Variants in TSNAX observed in about 807,000 individuals in gnomAD.
The protein encoded by TSNAX is translin associated factor X.
Under a neutral mutation model 33.0 loss-of-function variants are expected in TSNAX, and 12 were observed. The ratio of observed to expected loss-of-function variants is 0.36; its 90% CI spans 0.23 to 0.59. The LOEUF (loss-of-function observed/expected upper bound fraction) is 0.59, where lower values mean the gene tolerates loss of function less well. Among genes scored for constraint, TSNAX ranks in the 20% least tolerant of loss-of-function variants. The pLI, the probability that TSNAX is intolerant of heterozygous loss-of-function variation, is 0.74. For synonymous variants in TSNAX, 110 were observed against 117.2 expected, an observed-to-expected ratio of 0.94 and a Z score of 0.40; for missense variants, 267 against 341.3, an observed-to-expected ratio of 0.78 and a Z score of 1.72.
chr1:231,542,579 A>C lies in TSNAX; in HGVS notation c.335A>C (p.Asp112Ala). 6.2e-7 allele frequency: 1 copy of C among 1,614,036 alleles called. No homozygotes were observed. Among genetic ancestry groups the C allele is most frequent in the African/African-American group, 1.3e-5 (1 of 75,046 alleles). ...GTAGCCCAAGAGCTATCAGGGGAAG[A>C]TATGCATCAGTTCCATCGAGCCATT... is the stretch of plus-strand genomic sequence containing the variant. The part of the protein sequence containing the change: ...FQVAQELSGE[D>A]MHQFHRAITT... The change falls in exon 4 of 6, where the codon GAT (aspartate) becomes GCT (alanine). Residue 112 changes from aspartate (D) to alanine (A), a missense_variant. Transcript: ENST00000366639.
intron 5 of TSNAX, 27 bp from the exon 6 acceptor site, chr1:231,564,501 T>TGTG: frequency 7.8e-6 from 11 of 1,403,062 alleles, no homozygotes; most frequent in Admixed American, 2.2e-5. Flanking sequence ...GTGTGTGTGT[T>TGTG]TTTGTTTTGT....
chr1:231,558,098 G>A (rs995352651), intron 4 of TSNAX, among the ~76,000 whole-genome samples: 1 of 152,124 alleles, frequency 6.6e-6, no homozygotes, highest in Non-Finnish European at 1.5e-5. Context: ...ATGCTGGAGA[G>A]GGTGGGCATG....
At chr1:231,560,081 G>A (rs1286681056) in intron 4 of TSNAX, among the ~76,000 whole-genome samples, 2 of 151,072 alleles carry the variant, frequency 1.3e-5, no homozygotes, top group African/African-American at 2.4e-5. Flanking sequence ...CCGGGTTCAC[G>A]CCATTCTCCT....
chr1:231,547,936 G>T (rs1165995667), intron 4 of TSNAX, among the ~76,000 whole-genome samples: 1 of 150,456 alleles, frequency 6.6e-6, no homozygotes, highest in Non-Finnish European at 1.5e-5. Flanking sequence ...CGCCTCCCAG[G>T]TTCATGCCAT....
chr1:231,547,392 T>TTC (rs1558128610), intron 4 of TSNAX, among the ~76,000 whole-genome samples: 1 of 140,288 alleles, frequency 7.1e-6, no homozygotes, highest in African/African-American at 2.7e-5. Flanking sequence ...TTTTTTTCTT[T>TTC]TTTTTTTTTT....
intron 5 of TSNAX, among the ~76,000 whole-genome samples, chr1:231,561,914 A>T (rs1425683902): frequency 1.3e-5 from 2 of 152,242 alleles, no homozygotes; most frequent in Non-Finnish European, 2.9e-5. Flanking sequence ...ATTATAAAGT[A>T]GTTTTTATAT....
intron 4 of TSNAX, among the ~76,000 whole-genome samples, chr1:231,557,928 T>C (rs1182811500): frequency 1.3e-5 from 2 of 152,106 alleles, no homozygotes; most frequent in Non-Finnish European, 2.9e-5. Context: ...TACAGACTTA[T>C]TAACCATATA....
At chr1:231,559,475 C>T (rs1054204348) in intron 4 of TSNAX, among the ~76,000 whole-genome samples, 1 of 152,064 alleles carries the variant, frequency 6.6e-6, no homozygotes, top group African/African-American at 2.4e-5. Context: ...ACTACAGGCA[C>T]CCGCCACCAT....
intron 4 of TSNAX, among the ~76,000 whole-genome samples, chr1:231,551,734 A>G (rs1227678323): frequency 1.3e-5 from 2 of 151,404 alleles, no homozygotes; most frequent in African/African-American, 2.4e-5. Flanking sequence ...TTGGGAGGTC[A>G]TGGTGGGAGG....
At chr1:231,563,015 G>A (rs1380633151) in intron 5 of TSNAX, among the ~76,000 whole-genome samples, 1 of 152,158 alleles carries the variant, frequency 6.6e-6, no homozygotes, top group Non-Finnish European at 1.5e-5. Context: ...AATGGTCTCT[G>A]CAGAGTCCAA....
intron 3 of TSNAX, among the ~76,000 whole-genome samples, 184 bp downstream of exon 3, chr1:231,537,511 C>T (rs893985284): frequency 1.1e-4 from 17 of 151,988 alleles, no homozygotes; most frequent in East Asian, 3.9e-4. Flanking sequence ...GAGGCCAAGG[C>T]GGGCAGATCA....
At chr1:231,553,906 G>A (rs1660514351) in intron 4 of TSNAX, among the ~76,000 whole-genome samples, 2 of 151,972 alleles carry the variant, frequency 1.3e-5, no homozygotes, top group African/African-American at 4.8e-5. Flanking sequence ...GGCTGGTCTC[G>A]AACTCCCAAC....
intron 4 of TSNAX, among the ~76,000 whole-genome samples, chr1:231,553,682 C>CTTTTTTTTTT (rs5781656): frequency 7.5e-6 from 1 of 133,756 alleles, no homozygotes; most frequent in Non-Finnish European, 1.6e-5. Flanking sequence ...TCTTTCTTTC[C>CTTTTTTTTTT]TTTTTTTTTT....
At chr1:231,541,837 C>T (rs760006907) in intron 3 of TSNAX, among the ~76,000 whole-genome samples, 3 of 152,194 alleles carry the variant, frequency 2.0e-5, no homozygotes, top group Non-Finnish European at 4.4e-5. Flanking sequence ...CTGCACTGAT[C>T]AGTACTCAAC....
chr1:231,544,906 A>G (rs552940449), intron 4 of TSNAX, among the ~76,000 whole-genome samples: 1 of 151,322 alleles, frequency 6.6e-6, no homozygotes, highest in East Asian at 1.9e-4. Context: ...TCACTGTATC[A>G]TTGAGGATTA....
At chr1:231,546,989 A>G (rs1318937452) in intron 4 of TSNAX, among the ~76,000 whole-genome samples, 2 of 152,210 alleles carry the variant, frequency 1.3e-5, no homozygotes, top group African/African-American at 4.8e-5. Flanking sequence ...CTTAAGGAAG[A>G]ATGGGAAATA....
intron 5 of TSNAX, chr1:231,563,571 A>C (rs1349186268): frequency 1.3e-5 from 2 of 154,888 alleles, no homozygotes; most frequent in Admixed American, 1.3e-4. Flanking sequence ...GGTCATTTGG[A>C]AGAGTTAACC....
At position 231,560,400 on chromosome 1, in the gene TSNAX, CTT is replaced by C. The variant is rs1241478198; in HGVS notation, c.368-725_368-724del. Among the ~76,000 whole-genome samples the C allele has an allele frequency of 2.6e-3, 202 of 78,374 alleles. 3 individuals carry two copies. The highest frequency in any genetic ancestry group is 9.3e-3 in the African/African-American group (195 of 21,038). 51.4% of individuals were successfully genotyped at this position (78,374 alleles called of 152,430 possible). A position where few individuals can be genotyped will look rare whatever the true frequency, so the allele number is the denominator to read the frequency against. On this transcript the variant is annotated intron_variant, in intron 4 of 5. Coordinates refer to ENST00000366639, the MANE Select transcript of TSNAX (RefSeq NM_005999.3). ...TATCAAAATTATGGAATAGGCTTTT[CTT>C]TTCTCCCCCCCCCCCCTTTTTTTTT...
chr1:231,542,067 T>C (rs1659608905), intron 3 of TSNAX, among the ~76,000 whole-genome samples: 1 of 152,098 alleles, frequency 6.6e-6, no homozygotes, highest in Non-Finnish European at 1.5e-5. Flanking sequence ...AGTCAGAGGG[T>C]ATATGTTGTT....
Sources: allele counts gnomAD v4.1 joint callset (sites outside exome capture counted in the v4.1 genomes callset), GRCh38; gene constraint gnomAD v4.1.1; transcripts MANE v1.5; gene names NCBI Gene and HGNC (gene_info 2026-07-23, HGNC 2026-07-21).